Variants in SLC38A6 observed in about 807,000 individuals in gnomAD.
SLC38A6 encodes solute carrier family 38 member 6, also known as N system amino acid transporter NAT-1.
Under a neutral mutation model 65.0 loss-of-function variants are expected in SLC38A6, and 73 were observed. That is an observed-to-expected ratio of 1.12 (90% confidence interval 0.93 to 1.37). The LOEUF (loss-of-function observed/expected upper bound fraction) is 1.37, where lower values mean the gene tolerates loss of function less well. Ranked by LOEUF, SLC38A6 falls within the 40% of genes most tolerant of loss-of-function variation. The pLI is 0.00. For synonymous variants in SLC38A6, 183 were observed against 178.8 expected, an observed-to-expected ratio of 1.02 and a Z score of -0.19; for missense variants, 561 against 531.1, an observed-to-expected ratio of 1.06 and a Z score of -0.55.
intron 3 of SLC38A6, among the ~76,000 whole-genome samples, chr14:60,987,842 T>C (rs2037568037): frequency 6.6e-6 from 1 of 152,244 alleles, no homozygotes; most frequent in Non-Finnish European, 1.5e-5. Context: ...TCCCTAGTCG[T>C]TGATCCCTAC....
chr14:61,020,504 A>T (rs907784037), intron 5 of SLC38A6, among the ~76,000 whole-genome samples: 2 of 152,158 alleles, frequency 1.3e-5, no homozygotes, highest in African/African-American at 2.4e-5. Context: ...TTCCATCGTT[A>T]ATAGGTTTTT....
intron 3 of SLC38A6, among the ~76,000 whole-genome samples, chr14:61,013,803 G>C (rs936626675): frequency 3.9e-5 from 6 of 152,142 alleles, no homozygotes; most frequent in Non-Finnish European, 7.3e-5. Flanking sequence ...CTTTCTCTCT[G>C]GCTGCCCTTA....
chr14:60,987,121 T>C (rs1003595095), intron 3 of SLC38A6: 6 of 373,826 alleles, frequency 1.6e-5, no homozygotes, highest in Non-Finnish European at 3.1e-5. Flanking sequence ...CTTCCGTTGA[T>C]TGAATTCCTT....
At chr14:61,040,723 C>T (rs751425648) in intron 8 of SLC38A6, among the ~76,000 whole-genome samples, 1 of 152,082 alleles carries the variant, frequency 6.6e-6, no homozygotes, top group African/African-American at 2.4e-5. Context: ...TTCAAGTGAT[C>T]CTCCCACCTT....
At chr14:61,006,851 C>G (rs1338061114) in intron 3 of SLC38A6, among the ~76,000 whole-genome samples, 6 of 152,172 alleles carry the variant, frequency 3.9e-5, no homozygotes, top group African/African-American at 7.2e-5. Context: ...ATAAATCATG[C>G]TGCTATAAAG....
intron 8 of SLC38A6, among the ~76,000 whole-genome samples, chr14:61,040,006 T>C (rs1183899707): frequency 2.0e-5 from 3 of 152,152 alleles, no homozygotes; most frequent in African/African-American, 7.2e-5. Flanking sequence ...TATATCTGTC[T>C]CAGAATGATA....
At chr14:61,054,902 T>C (rs192772894), downstream of SLC38A6, among the ~76,000 whole-genome samples, 536 of 152,230 alleles carry the variant, frequency 3.5e-3, 1 homozygote, top group African/African-American at 0.012. Flanking sequence ...CTATGTTGAA[T>C]AGGAGTGGTG....
At chr14:61,017,606 C>G (rs1288930384) in intron 4 of SLC38A6, among the ~76,000 whole-genome samples, 1 of 152,098 alleles carries the variant, frequency 6.6e-6, no homozygotes, top group Non-Finnish European at 1.5e-5. Flanking sequence ...ATAACATAAC[C>G]TATAAACATA....
At chr14:61,002,640 G>A (rs2038791441) in intron 3 of SLC38A6, among the ~76,000 whole-genome samples, 1 of 152,114 alleles carries the variant, frequency 6.6e-6, no homozygotes, top group South Asian at 2.1e-4. Flanking sequence ...TCCTGTGGAG[G>A]CCAAACTCTT....
intron 3 of SLC38A6, among the ~76,000 whole-genome samples, chr14:61,010,720 C>G: frequency 6.6e-6 from 1 of 152,150 alleles, no homozygotes; most frequent in African/African-American, 2.4e-5. Flanking sequence ...TCTGAGGGCT[C>G]TGTTGTGTTC....
At chr14:61,021,249 A>G (rs1470844042) in intron 5 of SLC38A6, among the ~76,000 whole-genome samples, 1 of 152,164 alleles carries the variant, frequency 6.6e-6, no homozygotes, top group Admixed American at 6.5e-5. Flanking sequence ...CTTTCTAAGT[A>G]CCTTAAATAT....
At chr14:60,984,926 T>G in intron 3 of SLC38A6, 123 bp downstream of exon 3, 1 of 919,418 alleles carries the variant, frequency 1.1e-6, no homozygotes, top group Non-Finnish European at 1.7e-6. Context: ...GATAGGGTGA[T>G]CGGAATGGAG....
At chr14:61,048,891 A>G (rs1030256965) in intron 12 of SLC38A6, among the ~76,000 whole-genome samples, 3 of 152,212 alleles carry the variant, frequency 2.0e-5, no homozygotes, top group African/African-American at 7.2e-5. Context: ...GAAAATGGAA[A>G]TAAAATAGTT....
intron 12 of SLC38A6, 60 bp downstream of exon 12, chr14:61,046,227 A>C (rs190406790): frequency 3.6e-6 from 4 of 1,102,760 alleles, no homozygotes; most frequent in Middle Eastern, 3.0e-4. Context: ...GCCTCACGCC[A>C]ATCTATAGAC....
chr14:61,046,235 G>A, intron 12 of SLC38A6, 68 bp downstream of exon 12: 1 of 1,001,522 alleles, frequency 1.0e-6, no homozygotes, highest in Non-Finnish European at 1.5e-6. Flanking sequence ...CCAATCTATA[G>A]ACTTTACCTA....
At position 60,982,608 on chromosome 14, in the gene SLC38A6, T is replaced by C. The variant is rs1271903398; in HGVS notation, c.206T>C (p.Val69Ala). The change falls in exon 2 of 16, where the codon GTT (valine) becomes GCT (alanine). Residue 69 changes from valine to alanine, a missense_variant. Val to Ala is a moderately conservative substitution (Grantham distance 64). Transcript: ENST00000267488. The part of the protein sequence containing the change: ...MGSGILGLAY[V>A]LANTGVFGFS... The stretch of plus-strand genomic sequence containing the variant: ...AGTGGCATCCTTGGCTTAGCTTATG[T>C]TTTGGCTAATACCGGTGTCTTTGGA... 3 of 1,613,870 alleles carry C rather than the reference T, an allele frequency of 1.9e-6. No homozygotes were observed. In the South Asian group the frequency reaches 3.3e-5, roughly 18 times the overall value.
intron 3 of SLC38A6, among the ~76,000 whole-genome samples, chr14:61,002,764 T>C (rs550710793): frequency 1.1e-4 from 17 of 152,292 alleles, no homozygotes; most frequent in Admixed American, 3.9e-4. Flanking sequence ...AAACGTAGCA[T>C]TGATTTCTTT....
intron 12 of SLC38A6, 34 bp downstream of exon 12, chr14:61,046,201 A>G: frequency 7.3e-7 from 1 of 1,377,044 alleles, no homozygotes; most frequent in South Asian, 1.2e-5. Flanking sequence ...ATGACAAAAT[A>G]ATAGTTACAT....
chr14:61,076,411 T>G (rs1210152213), intron 15 of SLC38A6, among the ~76,000 whole-genome samples: 1 of 152,202 alleles, frequency 6.6e-6, no homozygotes, highest in Admixed American at 6.5e-5. Flanking sequence ...AAGCACATTC[T>G]CATGTAATCT....
Sources: gnomAD v4.1 joint callset for allele counts (sites outside exome capture counted in the v4.1 genomes callset) on GRCh38, gnomAD v4.1.1 for gene constraint, MANE v1.5 for transcripts, NCBI Gene and HGNC (gene_info 2026-07-23, HGNC 2026-07-21) for gene names.